KRT72: variants seen among roughly 807,000 people sequenced by gnomAD.
KRT72 encodes keratin, type II cytoskeletal 72.
Under a neutral mutation model 44.7 loss-of-function variants are expected in KRT72, and 44 were observed. The observed-to-expected ratio is 0.98, with a 90% confidence interval of 0.77 to 1.27. KRT72 has a LOEUF of 1.27. Ranked by LOEUF, KRT72 falls within the 50% of genes most tolerant of loss-of-function variation. KRT72 has a pLI of 0.00. For synonymous variants in KRT72, 302 were observed against 280.4 expected, an observed-to-expected ratio of 1.08 and a Z score of -0.77; for missense variants, 736 against 667.1, an observed-to-expected ratio of 1.10 and a Z score of -1.14.
In KRT72 at chr12:52,598,746, G is replaced by A. The variant is rs1940304621; in HGVS notation, c.641+152C>T. 1.5e-5 allele frequency: 10 copies of A among 651,780 alleles called. No individual in the cohort carries two copies. In the Admixed American group the frequency reaches 2.5e-4, roughly 16 times the overall value. The allele number at this position is 651,780 out of a possible 1,614,324, so 40.4% of individuals were successfully genotyped here. On this transcript the variant is annotated intron_variant, in intron 2 of 8. Coordinates refer to ENST00000293745, the MANE Select transcript of KRT72 (RefSeq NM_080747.3). ...TCGACAGTTTGGAGAACCGGTGTAG[G>A]TAGATCTATTCTTTTCCTAGTTCCA...
At chr12:52,598,644 T>C (rs938742400) in intron 2 of KRT72, among the ~76,000 whole-genome samples, 2 of 152,110 alleles carry the variant, frequency 1.3e-5, no homozygotes. Context: ...GGCATTTGGG[T>C]TGTCCATCTG....
At position 52,601,017 on chromosome 12, in the gene KRT72, G is replaced by T; in HGVS notation, c.426+10C>A. Reference sequence around the variant, plus strand: ...CCAACGCAGGGACAGGCCAATGCCCGAGGACTCACCTTGTCGATGAAGGAG... The same window carrying T: ...CCAACGCAGGGACAGGCCAATGCCCTAGGACTCACCTTGTCGATGAAGGAG... On this transcript the variant is annotated intron_variant, in intron 1 of 8. Transcript: ENST00000293745. The T allele has an allele frequency of 6.2e-7, 1 of 1,610,880 alleles. No homozygotes were observed. Among genetic ancestry groups the T allele is most frequent in the Non-Finnish European group, 8.5e-7 (1 of 1,178,962 alleles).
At position 52,587,793 on chromosome 12, in the gene KRT72, T is replaced by A; in HGVS notation, c.1148A>T (p.Lys383Ile). The change falls in exon 7 of 9, where the codon AAA becomes ATA. Residue 383 changes from lysine to isoleucine, a missense_variant. Coordinates refer to ENST00000293745, the MANE Select transcript of KRT72 (RefSeq NM_080747.3). ...DAEQRGDCALKDARAKLDELE... is the reference protein window; with the variant it reads ...DAEQRGDCALIDARAKLDELE... ...CTCATCCAGCTTGGCCCGGGCATCT[T>A]TCAGGGCGCAGTCCCCCCGCTGTTC... is the stretch of plus-strand genomic sequence containing the variant. The A allele has an allele frequency of 6.2e-7, 1 of 1,614,170 alleles. No individual in the cohort carries two copies. The highest frequency in any genetic ancestry group is 1.6e-4 in the Middle Eastern group (1 of 6,062).
chr12:52,590,835 C>T lies in KRT72; in HGVS notation c.1089+1G>A, dbSNP rs1358332084. ...TAGTGGATTAATTTCATAGAACCCA[C>T]CTGCTTCTTCACATTCCCTATCTCT... On this transcript the variant is annotated splice_donor_variant, in intron 6 of 8. Coordinates refer to ENST00000293745, the MANE Select transcript of KRT72 (RefSeq NM_080747.3). LOFTEE classifies it high-confidence loss of function. 2 of 1,571,880 alleles carry T rather than the reference C, an allele frequency of 1.3e-6. No individual in the cohort carries two copies. The highest frequency in any genetic ancestry group is 1.4e-5 in the African/African-American group (1 of 74,054).
intron 8 of KRT72, among the ~76,000 whole-genome samples, chr12:52,586,705 C>T (rs1939763762): frequency 6.6e-6 from 1 of 152,186 alleles, no homozygotes; most frequent in African/African-American, 2.4e-5. Flanking sequence ...AAGCATCAAT[C>T]GTTGGATGAT....
intron 1 of KRT72, 59 bp from the exon 2 acceptor site, chr12:52,599,171 G>T: frequency 6.4e-7 from 1 of 1,561,534 alleles, no homozygotes; most frequent in Non-Finnish European, 8.8e-7. Flanking sequence ...TCAAGAGTGG[G>T]GAAAGGGCCC....
Position 52,601,237 on chromosome 12 carries a change from G to T in KRT72, c.216C>A (p.Gly72=). 6.3e-7 allele frequency: 1 copy of T among 1,581,716 alleles called. No individual in the cohort carries two copies. Among genetic ancestry groups the T allele is most frequent in the Non-Finnish European group, 8.6e-7 (1 of 1,164,216 alleles). ...AAARRGGGRL[G]GFVGTAFGSA... ...TGCCGAAGGCGGTGCCCACGAAGCC[G>T]CCCAGGCGGCCGCCGCCCCGCCGTG... Residue 72 remains glycine, a synonymous_variant, in exon 1 of 9, where the codon GGC becomes GGA. Transcript: ENST00000293745.
rs765538689 is a variant in KRT72 at position 52,591,543 on chromosome 12, A to T, written c.884T>A (p.Ile295Asn). ...GTACTGGGCACGGACCTCGGCAATGATGCTGTCCAGGTCCAGATCCCGGTT... is the reference window on the plus strand; with the variant it reads ...GTACTGGGCACGGACCTCGGCAATGTTGCTGTCCAGGTCCAGATCCCGGTT... ...DNNRDLDLDS[I>N]IAEVRAQYEE... is the part of the protein sequence containing the mutation. The change falls in exon 5 of 9, where the codon ATC becomes AAC. Residue 295 changes from isoleucine to asparagine, a missense_variant. By Grantham distance (149) the Ile-to-Asn change is moderately radical. Transcript: ENST00000293745. 6.2e-7 allele frequency: 1 copy of T among 1,613,904 alleles called. No individual in the cohort carries two copies. The highest frequency in any genetic ancestry group is 1.3e-5 in the African/African-American group (1 of 74,916).
rs1472342707 is a variant in KRT72, at chr12:52,592,617, G to C, written c.703-126C>G. ...GTGCTTCATGGGGGGCTCCCTGAGA[G>C]TCCCCTTCAGTCCCTGAGAGTAAAC... On this transcript the variant is annotated intron_variant, in intron 3 of 8. Transcript: ENST00000293745. The C allele has an allele frequency of 4.3e-6, 3 of 695,438 alleles. No individual in the cohort carries two copies. In the African/African-American group the frequency reaches 5.4e-5, roughly 12 times the overall value. The allele number at this position is 695,438 out of a possible 1,614,324, so 43.1% of individuals were successfully genotyped here.
At chr12:52,591,408 A>C in intron 5 of KRT72, 56 bp downstream of exon 5, 1 of 1,558,856 alleles carries the variant, frequency 6.4e-7, no homozygotes, top group Admixed American at 1.7e-5. Flanking sequence ...ATGCACACAT[A>C]CTGAGAGGGT....
intron 7 of KRT72, 151 bp from the exon 8 acceptor site, chr12:52,587,131 C>G: frequency 1.4e-6 from 1 of 704,302 alleles, no homozygotes; most frequent in Admixed American, 2.4e-5. Context: ...CAGTGCGACC[C>G]CCACCAAGAA....
At chr12:52,594,266 C>T (rs1051618830) in intron 2 of KRT72, among the ~76,000 whole-genome samples, 1 of 152,128 alleles carries the variant, frequency 6.6e-6, no homozygotes, top group East Asian at 1.9e-4. Context: ...CGGGTATATA[C>T]TCAAAGGATT....
rs778362231 is a variant in KRT72 at position 52,599,108 on chromosome 12, C to G, written c.431G>C (p.Arg144Pro). Reference sequence around the variant, plus strand: ...CACCTGATTCTGCTGCTCCAGGAACCGCACCTGGAACCCAAAGGCAGTCAT... The same window carrying G: ...CACCTGATTCTGCTGCTCCAGGAACGGCACCTGGAACCCAAAGGCAGTCAT... ...NKFASFIDKV[R>P]FLEQQNQVLE... Residue 144 changes from arginine (R) to proline (P), a missense_variant, in exon 2 of 9, where the codon CGG becomes CCG. Arg to Pro is a moderately radical substitution (Grantham distance 103, BLOSUM62 -2). Coordinates refer to ENST00000293745, the MANE Select transcript of KRT72 (RefSeq NM_080747.3). 1.2e-6 allele frequency: 2 copies of G among 1,613,898 alleles called. No individual in the cohort carries two copies. Among genetic ancestry groups the G allele is most frequent in the Non-Finnish European group, 1.7e-6 (2 of 1,179,886 alleles).
At chr12:52,592,812 C>T in intron 3 of KRT72, 80 bp downstream of exon 3, 1 of 1,250,854 alleles carries the variant, frequency 8.0e-7, no homozygotes. Context: ...CCTACAGGGC[C>T]CCTTTCCTCA....
chr12:52,600,658 G>A lies in KRT72; in HGVS notation c.426+369C>T, dbSNP rs950678514. On this transcript the variant is annotated intron_variant, in intron 1 of 8. Coordinates refer to ENST00000293745, the MANE Select transcript of KRT72 (RefSeq NM_080747.3). ...TTCTCTGGCCGCCGCCATATAAGAC[G>A]TGACTTTGGCCTCCCGTTATGATTC... Among the ~76,000 whole-genome samples the A allele has an allele frequency of 3.3e-5, 5 of 151,956 alleles. No homozygotes were observed. The East Asian group carries it at 9.7e-4, about 29-fold the overall frequency.
intron 2 of KRT72, among the ~76,000 whole-genome samples, chr12:52,595,067 A>G (rs1940189364): frequency 6.6e-6 from 1 of 152,226 alleles, no homozygotes; most frequent in Non-Finnish European, 1.5e-5. Context: ...TGCCGGACCA[A>G]TTAATTTTTA....
intron 2 of KRT72, among the ~76,000 whole-genome samples, chr12:52,598,502 C>T (rs1452754423): frequency 2.6e-5 from 4 of 152,198 alleles, no homozygotes; most frequent in East Asian, 3.8e-4. Context: ...GATTCAGCAG[C>T]ACAGCCATGA....
chr12:52,590,587 T>C (rs1223646307), intron 6 of KRT72, among the ~76,000 whole-genome samples: 1 of 152,158 alleles, frequency 6.6e-6, no homozygotes, highest in African/African-American at 2.4e-5. Context: ...TCCCCTCTCC[T>C]GGTGTAATCC....
intron 6 of KRT72, 152 bp downstream of exon 6, chr12:52,590,684 T>C: frequency 4.5e-6 from 3 of 664,616 alleles, no homozygotes; most frequent in Non-Finnish European, 6.8e-6. Context: ...TGTAGGCTGC[T>C]TTATCCCTCC....
Sources: allele counts gnomAD v4.1 joint callset (sites outside exome capture counted in the v4.1 genomes callset), GRCh38; gene constraint gnomAD v4.1.1; transcripts MANE v1.5; gene names NCBI Gene and HGNC (gene_info 2026-07-23, HGNC 2026-07-21).